The following LY96 variants were observed in gnomAD, a reference collection of about 807,000 sequenced individuals.
The protein encoded by LY96 is lymphocyte antigen 96, also known as myeloid differentiation protein-2.
A neutral mutation model predicts 18.9 loss-of-function variants in LY96; 18 were observed. The observed-to-expected ratio is 0.95, with a 90% CI of 0.66 to 1.41. LY96 has a LOEUF of 1.41. Among genes scored for constraint, LY96 ranks in the 40% most tolerant of loss-of-function variants. The pLI is 0.00. For missense variants in LY96, 175 were observed against 182.4 expected, an observed-to-expected ratio of 0.96 and a Z score of 0.23; for synonymous variants, 66 against 62.6, an observed-to-expected ratio of 1.06 and a Z score of -0.26.
At position 74,026,771 on chromosome 8, in the gene LY96, T is replaced by A. The variant is rs756465000; in HGVS notation, c.332-18T>A. ...AACCGTGACCAATAACGTTTTGTAT[T>A]TTATATTTTGTTTGCAGAGACTGTG... On this transcript the variant is annotated intron_variant, in intron 3 of 4. Coordinates refer to ENST00000284818, the MANE Select transcript of LY96 (RefSeq NM_015364.5). 6 of 1,454,316 alleles carry A rather than the reference T, an allele frequency of 4.1e-6. No individual in the cohort carries two copies. The highest frequency in any genetic ancestry group is 3.9e-6 in the Non-Finnish European group (4 of 1,035,930). The allele number at this position is 1,454,316 out of a possible 1,614,324, so 90.1% of individuals were successfully genotyped here.
At chr8:74,054,494 CTTTTCTTTTT>C in the LY96 span, among the ~76,000 whole-genome samples, 10 of 150,448 alleles carry the variant, frequency 6.6e-5, no homozygotes, top group Non-Finnish European at 1.5e-4. Context: ...ATTTTCTTTT[CTTTTCTTTTT>C]TTTTCTTTTC....
intron 2 of LY96, among the ~76,000 whole-genome samples, chr8:74,007,220 C>T (rs1054872081): frequency 2.6e-5 from 4 of 152,142 alleles, no homozygotes; most frequent in Admixed American, 1.3e-4. Context: ...GAGAGGGTGG[C>T]CTCTGGCTGA....
the LY96 span, among the ~76,000 whole-genome samples, chr8:74,075,234 GA>G: frequency 1.3e-5 from 2 of 152,094 alleles, no homozygotes; most frequent in Admixed American, 6.5e-5. Context: ...TTATTATATA[GA>G]GAATCTAGAC....
At chr8:74,021,621 C>T (rs980163093) in intron 3 of LY96, among the ~76,000 whole-genome samples, 40 of 152,222 alleles carry the variant, frequency 2.6e-4, no homozygotes, top group African/African-American at 7.2e-4. Context: ...CACATGCACA[C>T]GTATGTTTAT....
the LY96 span, among the ~76,000 whole-genome samples, chr8:74,072,813 G>C: frequency 6.6e-6 from 1 of 152,158 alleles, no homozygotes; most frequent in African/African-American, 2.4e-5. Flanking sequence ...AGCCACGCTC[G>C]GCACAGCTCT....
the LY96 span, among the ~76,000 whole-genome samples, chr8:74,062,187 C>G: frequency 2.0e-5 from 3 of 152,184 alleles, no homozygotes; most frequent in African/African-American, 4.8e-5. Context: ...CAGGTGACAT[C>G]TCTCAGATGT....
At chr8:74,034,420 G>A in the LY96 span, among the ~76,000 whole-genome samples, 9 of 151,944 alleles carry the variant, frequency 5.9e-5, no homozygotes, top group African/African-American at 2.2e-4. Context: ...AGAGAAAGAG[G>A]TTGTTTCAAA....
intron 3 of LY96, among the ~76,000 whole-genome samples, chr8:74,018,855 A>G (rs1051763710): frequency 2.0e-5 from 3 of 152,202 alleles, no homozygotes; most frequent in African/African-American, 7.2e-5. Flanking sequence ...GGCAGAAATA[A>G]AGATATTCTT....
At chr8:74,035,612 C>T in the LY96 span, among the ~76,000 whole-genome samples, 1 of 152,136 alleles carries the variant, frequency 6.6e-6, no homozygotes, top group Non-Finnish European at 1.5e-5. Flanking sequence ...TCAGTATGCC[C>T]TCTTCCCTTT....
chr8:74,082,885 A>G, the LY96 span, among the ~76,000 whole-genome samples: 1,162 of 152,192 alleles, frequency 7.6e-3, 17 homozygotes, highest in African/African-American at 0.026. Context: ...AGAGGTAAGG[A>G]TGTTCCTTTC....
At chr8:74,010,212 G>T in intron 3 of LY96, 83 bp downstream of exon 3, 1 of 1,324,262 alleles carries the variant, frequency 7.6e-7, no homozygotes, top group Non-Finnish European at 1.1e-6. Flanking sequence ...ATTGAAAATG[G>T]GAAGTTCCTT....
At chr8:74,027,785 ACTT>A (rs1451881191) in intron 4 of LY96, among the ~76,000 whole-genome samples, 1 of 152,184 alleles carries the variant, frequency 6.6e-6, no homozygotes, top group Non-Finnish European at 1.5e-5. Context: ...CAAGTGATTA[ACTT>A]CTTTTAATCT....
the LY96 span, among the ~76,000 whole-genome samples, chr8:74,059,910 G>C: frequency 6.6e-6 from 1 of 152,250 alleles, no homozygotes; most frequent in African/African-American, 2.4e-5. Flanking sequence ...GGCTGAGGTA[G>C]GTGGTAGCAC....
the LY96 span, among the ~76,000 whole-genome samples, chr8:74,090,504 T>C: frequency 6.6e-6 from 1 of 152,268 alleles, no homozygotes; most frequent in Non-Finnish European, 1.5e-5. Context: ...TTATAGTTTC[T>C]ATTCTCACTT....
At chr8:74,039,306 T>C in the LY96 span, among the ~76,000 whole-genome samples, 1 of 152,226 alleles carries the variant, frequency 6.6e-6, no homozygotes, top group Non-Finnish European at 1.5e-5. Flanking sequence ...TCTTTCATTC[T>C]GTGGGTTGTC....
At chr8:74,017,931 C>T (rs1266980168) in intron 3 of LY96, among the ~76,000 whole-genome samples, 1 of 152,190 alleles carries the variant, frequency 6.6e-6, no homozygotes, top group Non-Finnish European at 1.5e-5. Flanking sequence ...CAACTGGTAC[C>T]AGCCACTGCA....
chr8:74,062,240 A>G, the LY96 span, among the ~76,000 whole-genome samples: 4 of 151,936 alleles, frequency 2.6e-5, no homozygotes, highest in African/African-American at 7.3e-5. Flanking sequence ...TTTTCCTGCT[A>G]ATTTTTATTT....
the LY96 span, among the ~76,000 whole-genome samples, chr8:74,079,009 G>A: frequency 5.3e-5 from 8 of 152,124 alleles, no homozygotes; most frequent in African/African-American, 9.7e-5. Context: ...CTGGTAAAGC[G>A]TTATTTCTGG....
At chr8:74,013,789 G>A (rs1357683481) in intron 3 of LY96, among the ~76,000 whole-genome samples, 3 of 152,110 alleles carry the variant, frequency 2.0e-5, no homozygotes, top group Admixed American at 6.6e-5. Flanking sequence ...TAGTTTTTTT[G>A]TAGTTGGAGC....
Sources: allele counts gnomAD v4.1 joint callset (sites outside exome capture counted in the v4.1 genomes callset), GRCh38; gene constraint gnomAD v4.1.1; transcripts MANE v1.5; gene names NCBI Gene and HGNC (gene_info 2026-07-23, HGNC 2026-07-21).